The following PCSK2 variants were observed in gnomAD, a reference collection of about 807,000 sequenced individuals.
PCSK2 encodes the protein proprotein convertase subtilisin/kexin type 2.
PCSK2 carries 14 observed loss-of-function variants against 69.7 expected under a neutral mutation model. The observed-to-expected ratio is 0.20, with a 90% CI of 0.13 to 0.31. The LOEUF is 0.31. Ranked by LOEUF, PCSK2 falls within the 10% of genes least tolerant of loss-of-function variation. The probability of loss-of-function intolerance (pLI) is 1.00; values close to 1 mark genes in which losing one functional copy is unlikely to be tolerated. For missense variants in PCSK2, 544 were observed against 842.5 expected, an observed-to-expected ratio of 0.65 and a Z score of 4.39; for synonymous variants, 307 against 320.7, an observed-to-expected ratio of 0.96 and a Z score of 0.46.
At chr20:17,447,148 G>A (rs974242070) in intron 8 of PCSK2, among the ~76,000 whole-genome samples, 1 of 151,824 alleles carries the variant, frequency 6.6e-6, no homozygotes, top group African/African-American at 2.4e-5. Context: ...CTATGTGCCT[G>A]TAATCCCAGC....
intron 2 of PCSK2, among the ~76,000 whole-genome samples, chr20:17,321,882 T>G (rs557388262): frequency 6.6e-5 from 10 of 152,194 alleles, no homozygotes; most frequent in Non-Finnish European, 1.5e-4. Context: ...GATTTTGAAG[T>G]GAGATGGTTT....
chr20:17,320,233 G>A (rs535963953), intron 2 of PCSK2, among the ~76,000 whole-genome samples: 5 of 152,276 alleles, frequency 3.3e-5, no homozygotes, highest in African/African-American at 1.2e-4. Context: ...GAGACACTTA[G>A]CTCTCATCCA....
chr20:17,226,617 G>C (rs1207586447), upstream of PCSK2, among the ~76,000 whole-genome samples: 3 of 151,792 alleles, frequency 2.0e-5, no homozygotes, highest in Non-Finnish European at 2.9e-5. Context: ...TGCTCCCCTC[G>C]GGGCCTCTGA....
At chr20:17,320,879 C>T (rs778896015) in intron 2 of PCSK2, among the ~76,000 whole-genome samples, 17 of 152,086 alleles carry the variant, frequency 1.1e-4, no homozygotes, top group South Asian at 6.2e-4. Context: ...TAACCATCGC[C>T]GGAGTACTAA....
At chr20:17,367,369 G>A (rs1305339196) in intron 4 of PCSK2, among the ~76,000 whole-genome samples, 1 of 152,182 alleles carries the variant, frequency 6.6e-6, no homozygotes, top group Admixed American at 6.5e-5. Context: ...TCAATGAATT[G>A]TCTCTAATCT....
chr20:17,388,413 T>G (rs1190239123), intron 5 of PCSK2, among the ~76,000 whole-genome samples: 2 of 152,124 alleles, frequency 1.3e-5, no homozygotes, highest in African/African-American at 2.4e-5. Flanking sequence ...AGAGCTGTTA[T>G]GGTTAAAAGG....
intron 11 of PCSK2, among the ~76,000 whole-genome samples, chr20:17,473,974 A>C (rs961781800): frequency 6.6e-6 from 1 of 152,192 alleles, no homozygotes; most frequent in Admixed American, 6.5e-5. Flanking sequence ...TAAAAAAGCC[A>C]GACTCCTCAG....
intron 2 of PCSK2, among the ~76,000 whole-genome samples, chr20:17,307,995 G>C (rs949326992): frequency 2.0e-5 from 3 of 152,092 alleles, no homozygotes; most frequent in African/African-American, 7.2e-5. Context: ...TCCATGGCAG[G>C]AGCAGGAGCA....
intron 5 of PCSK2, among the ~76,000 whole-genome samples, chr20:17,405,777 G>GT (rs936319375): frequency 6.6e-6 from 1 of 152,078 alleles, no homozygotes; most frequent in East Asian, 1.9e-4. Flanking sequence ...CCAGGGATGG[G>GT]TTTTTTTCCC....
At chr20:17,398,428 G>A (rs1294667383) in intron 5 of PCSK2, among the ~76,000 whole-genome samples, 1 of 151,198 alleles carries the variant, frequency 6.6e-6, no homozygotes, top group African/African-American at 2.4e-5. Flanking sequence ...GGAGACTGAG[G>A]TGGGAAGATC....
At chr20:17,316,812 C>G (rs1180514495) in intron 2 of PCSK2, among the ~76,000 whole-genome samples, 3 of 152,078 alleles carry the variant, frequency 2.0e-5, no homozygotes, top group African/African-American at 7.2e-5. Context: ...GAGTTGAATG[C>G]ACCAGGAGAT....
chr20:17,442,812 A>G (rs1336995263), intron 8 of PCSK2, among the ~76,000 whole-genome samples: 3 of 152,194 alleles, frequency 2.0e-5, no homozygotes, highest in East Asian at 1.9e-4. Context: ...GTTGTTAAAC[A>G]TTGAATAGCA....
intron 2 of PCSK2, among the ~76,000 whole-genome samples, chr20:17,347,896 G>GAGGAGAGAGAAA (rs1990714386): frequency 1.4e-4 from 2 of 14,438 alleles, no homozygotes; most frequent in African/African-American, 1.8e-4. Context: ...AAGAAAGAAA[G>GAGGAGAGAGAAA]AAAGAAAGAA....
At chr20:17,235,900 A>C (rs1986319654) in intron 1 of PCSK2, among the ~76,000 whole-genome samples, 1 of 152,164 alleles carries the variant, frequency 6.6e-6, no homozygotes, top group Non-Finnish European at 1.5e-5. Flanking sequence ...GTGAGTGGAC[A>C]TAATCAAATT....
chr20:17,317,454 C>A (rs915613980), intron 2 of PCSK2, among the ~76,000 whole-genome samples: 16 of 152,220 alleles, frequency 1.1e-4, no homozygotes, highest in Admixed American at 7.2e-4. Flanking sequence ...TAATTTCCTG[C>A]CATTTCCCAC....
At chr20:17,355,650 A>AACACACAC (rs74179105) in intron 2 of PCSK2, among the ~76,000 whole-genome samples, 19,079 of 148,500 alleles carry the variant, frequency 0.13, 1,367 homozygotes, top group Middle Eastern at 0.28. Flanking sequence ...TGTGCACGCA[A>AACACACAC]ACACACACAC....
intron 2 of PCSK2, among the ~76,000 whole-genome samples, chr20:17,311,255 A>G (rs1460784402): frequency 6.6e-6 from 1 of 152,178 alleles, no homozygotes; most frequent in Non-Finnish European, 1.5e-5. Flanking sequence ...AAAGATTTCC[A>G]TTGAAAACAT....
At chr20:17,361,637 C>A (rs890612) in intron 4 of PCSK2, among the ~76,000 whole-genome samples, 3,644 of 152,254 alleles carry the variant, frequency 0.024, 70 homozygotes, top group African/African-American at 0.053. Context: ...TAAAGTGAGG[C>A]TTTGAAGCAG....
intron 2 of PCSK2, among the ~76,000 whole-genome samples, chr20:17,264,207 A>C (rs1226914477): frequency 6.6e-6 from 1 of 152,224 alleles, no homozygotes; most frequent in Non-Finnish European, 1.5e-5. Context: ...TGAGTAACAC[A>C]CACTAGTCTT....
Sources: allele counts gnomAD v4.1 joint callset (sites outside exome capture counted in the v4.1 genomes callset), GRCh38; gene constraint gnomAD v4.1.1; transcripts MANE v1.5; gene names NCBI Gene and HGNC (gene_info 2026-07-23, HGNC 2026-07-21).